STN1: variants seen among roughly 807,000 people sequenced by gnomAD.
The protein encoded by STN1 is STN1 subunit of CST complex.
Under a neutral mutation model 45.5 loss-of-function variants are expected in STN1, and 29 were observed. That is an observed-to-expected ratio of 0.64 (90% CI 0.47 to 0.87). STN1 has a LOEUF of 0.87. Ranked by LOEUF, STN1 falls within the 40% of genes least tolerant of loss-of-function variation. STN1 has a pLI of 0.00. For missense variants in STN1, 376 were observed against 441.4 expected, an observed-to-expected ratio of 0.85 and a Z score of 1.33; for synonymous variants, 148 against 159.0, an observed-to-expected ratio of 0.93 and a Z score of 0.52.
intron 3 of STN1, among the ~76,000 whole-genome samples, chr10:103,907,555 A>G (rs1156655073): frequency 1.3e-5 from 2 of 152,208 alleles, no homozygotes; most frequent in African/African-American, 2.4e-5. Context: ...AGGCATTTCT[A>G]TATTTCTTTG....
intron 2 of STN1, among the ~76,000 whole-genome samples, chr10:103,914,177 C>T (rs979679674): frequency 2.0e-5 from 3 of 151,314 alleles, no homozygotes; most frequent in Admixed American, 2.0e-4. Flanking sequence ...ATATTATTTC[C>T]ACTTCATTGT....
chr10:103,913,905 C>A (rs1347542949), intron 2 of STN1, among the ~76,000 whole-genome samples: 1 of 151,988 alleles, frequency 6.6e-6, no homozygotes, highest in African/African-American at 2.4e-5. Context: ...TCATCAGGCC[C>A]CCAAGAAGGA....
Position 103,882,323 on chromosome 10 carries a change from C to T in STN1, c.*361G>A, listed in dbSNP as rs150067616. Among the ~76,000 whole-genome samples, 310 of 152,362 alleles carry T rather than the reference C, an allele frequency of 2.0e-3. No individual in the cohort carries two copies. Among genetic ancestry groups the T allele is most frequent in the African/African-American group, 6.9e-3 (287 of 41,584 alleles). On this transcript the variant is annotated 3_prime_UTR_variant, in exon 10 of 10. Transcript: ENST00000224950. ...CCCCTCAGTTCCTGAATGTTCACTA[C>T]CCTGTGGTGTCCCTTTGCCATGGAA...
At chr10:103,902,758 A>T (rs761429384) in intron 4 of STN1, among the ~76,000 whole-genome samples, 1 of 152,236 alleles carries the variant, frequency 6.6e-6, no homozygotes, top group Non-Finnish European at 1.5e-5. Flanking sequence ...CCACCTTCCA[A>T]TGGAAAGCTT....
chr10:103,909,412 ATATG>A (rs1564634980), intron 3 of STN1, among the ~76,000 whole-genome samples: 3 of 61,026 alleles, frequency 4.9e-5, no homozygotes, highest in Non-Finnish European at 3.5e-5. Context: ...ATATATGTAT[ATATG>A]TATATATGTA....
In STN1 at chr10:103,910,518, T is replaced by C. The variant is rs368573691; in HGVS notation, c.229+9A>G. The C allele has an allele frequency of 5.1e-6, 8 of 1,568,198 alleles. No homozygotes were observed. The highest frequency in any genetic ancestry group is 7.0e-6 in the Non-Finnish European group (8 of 1,139,344). ...ACATCAACTTCATTTCAGACACAAT[T>C]GTTCTTACCTCCATAACTGTAGAAA... On this transcript the variant is annotated intron_variant, in intron 3 of 9. Coordinates refer to ENST00000224950, the MANE Select transcript of STN1 (RefSeq NM_024928.5).
At chr10:103,892,380 C>T in intron 7 of STN1, 128 bp from the exon 8 acceptor site, 4 of 792,098 alleles carry the variant, frequency 5.0e-6, no homozygotes, top group Non-Finnish European at 7.7e-6. Context: ...TCAAAAAGAT[C>T]CTGGTATGTA....
intron 3 of STN1, among the ~76,000 whole-genome samples, chr10:103,909,520 A>ATATATG (rs1421035119): frequency 0.01 from 148 of 14,454 alleles, 20 homozygotes; most frequent in African/African-American, 0.011. Context: ...GTATATATGT[A>ATATATG]TATATATGTA....
intron 9 of STN1, among the ~76,000 whole-genome samples, chr10:103,886,955 A>G (rs1843107476): frequency 6.6e-6 from 1 of 152,234 alleles, no homozygotes; most frequent in Admixed American, 6.5e-5. Flanking sequence ...AACAAGTATC[A>G]ATCCTTCAGG....
chr10:103,888,579 A>G (rs1271217564), intron 9 of STN1, among the ~76,000 whole-genome samples: 1 of 152,236 alleles, frequency 6.6e-6, no homozygotes, highest in South Asian at 2.1e-4. Context: ...CACCGTTCAT[A>G]AACAGTCATG....
rs55663641 is a variant in STN1, at chr10:103,900,728, A to T, written c.296-505T>A. 8.1e-3 allele frequency among the ~76,000 whole-genome samples: 374 copies of T among 45,982 alleles called. 1 individual carries two copies. Among genetic ancestry groups the T allele is most frequent in the African/African-American group, 0.021 (287 of 13,938 alleles). 30.2% of individuals were successfully genotyped at this position (45,982 alleles called of 152,430 possible). A position where few individuals can be genotyped will look rare whatever the true frequency, so the allele number is the denominator to read the frequency against. On this transcript the variant is annotated intron_variant, in intron 4 of 9. Coordinates refer to ENST00000224950, the MANE Select transcript of STN1 (RefSeq NM_024928.5). ...CTCTCTCTCTCACACACACACACAC[A>T]CACTCTCTCTCTCTCTCACACTTTC...
chr10:103,910,583 T>A lies in STN1; in HGVS notation c.173A>T (p.Asp58Val). 6.2e-7 allele frequency: 1 copy of A among 1,611,138 alleles called. No individual in the cohort carries two copies. The change falls in exon 3 of 10, where the codon GAT becomes GTT. Residue 58 changes from aspartate (D) to valine (V), a missense_variant. Transcript: ENST00000224950. ...LYNGHPIKQV[D>V]VLGTVIGVRE... ...CACTCCAATGACAGTTCCCAAGACA[T>A]CTACCTGTTTTATTGGATGTCCATT...
chr10:103,917,313 A>C, intron 2 of STN1, 149 bp downstream of exon 2: 1 of 521,652 alleles, frequency 1.9e-6, no homozygotes, highest in Non-Finnish European at 3.2e-6. Flanking sequence ...CTTGCAAATA[A>C]ATGAACTCAT....
At chr10:103,908,590 G>C (rs1302645517) in intron 3 of STN1, among the ~76,000 whole-genome samples, 1 of 152,152 alleles carries the variant, frequency 6.6e-6, no homozygotes, top group Non-Finnish European at 1.5e-5. Flanking sequence ...TTCTCCACAA[G>C]AATTAAAGTT....
chr10:103,909,237 A>G (rs1294239326), intron 3 of STN1, among the ~76,000 whole-genome samples: 1 of 150,802 alleles, frequency 6.6e-6, no homozygotes, highest in Non-Finnish European at 1.5e-5. Context: ...ACACTGTAGG[A>G]ACTTAGTAAA....
intron 9 of STN1, among the ~76,000 whole-genome samples, chr10:103,886,965 G>A (rs1843107546): frequency 6.6e-6 from 1 of 152,082 alleles, no homozygotes; most frequent in Non-Finnish European, 1.5e-5. Flanking sequence ...AATCCTTCAG[G>A]GACCTAAGAC....
Position 103,878,760 on chromosome 10 carries a change from AAATATATTTGTGAACAT to A in STN1, c.*3907_*3923del, listed in dbSNP as rs1843047282. 1 of 152,216 alleles carries A rather than the reference AAATATATTTGTGAACAT, an allele frequency of 6.6e-6. No homozygotes were observed. The highest frequency in any genetic ancestry group is 1.5e-5 in the Non-Finnish European group (1 of 68,040). The allele number at this position is 152,216 out of a possible 1,614,324, so 9.4% of individuals were successfully genotyped here. On this transcript the variant is annotated 3_prime_UTR_variant, in exon 10 of 10. Transcript: ENST00000224950. Reference sequence around the variant, plus strand: ...TATAATTATTCATCCAGCATTTCCCAAATATATTTGTGAACATAGTGTTAGTTTGTGTTCATCCAGGA... The same window carrying A: ...TATAATTATTCATCCAGCATTTCCCAAGTGTTAGTTTGTGTTCATCCAGGA...
chr10:103,894,444 T>C (rs1051409638), intron 7 of STN1, among the ~76,000 whole-genome samples: 1 of 152,164 alleles, frequency 6.6e-6, no homozygotes, highest in Non-Finnish European at 1.5e-5. Flanking sequence ...GAGCAAGGAC[T>C]CAACAGAAAT....
At chr10:103,909,451 T>G (rs1843270995) in intron 3 of STN1, among the ~76,000 whole-genome samples, 1 of 92,858 alleles carries the variant, frequency 1.1e-5, no homozygotes, top group Non-Finnish European at 2.2e-5. Flanking sequence ...TATGTATATA[T>G]GTATATATGT....
Sources: allele counts gnomAD v4.1 joint callset (sites outside exome capture counted in the v4.1 genomes callset), GRCh38; gene constraint gnomAD v4.1.1; transcripts MANE v1.5; gene names NCBI Gene and HGNC (gene_info 2026-07-23, HGNC 2026-07-21).